SIDT1: variants seen among roughly 807,000 people sequenced by gnomAD.
SIDT1 encodes the protein SID1 transmembrane family member 1.
A neutral mutation model predicts 107.5 loss-of-function variants in SIDT1; 101 were observed. That is an observed-to-expected ratio of 0.94 (90% CI 0.80 to 1.11). SIDT1 has a LOEUF of 1.11. SIDT1 is among the 50% of genes least tolerant of loss of function. SIDT1 has a pLI of 0.00. For missense variants in SIDT1, 1,076 were observed against 1,058.2 expected, an observed-to-expected ratio of 1.02 and a Z score of -0.23; for synonymous variants, 395 against 398.2, an observed-to-expected ratio of 0.99 and a Z score of 0.10.
rs76659179 is a variant in SIDT1 at position 113,584,084 on chromosome 3, G to A, written c.835+588G>A. 2.1e-3 allele frequency among the ~76,000 whole-genome samples: 326 copies of A among 152,334 alleles called. 2 individuals carry two copies. Among genetic ancestry groups the A allele is most frequent in the African/African-American group, 7.5e-3 (312 of 41,574 alleles). On this transcript the variant is annotated intron_variant, in intron 7 of 24. Transcript: ENST00000264852. ...AGCTACCTTAAGGGCAGAATAGGCT[G>A]ATGATTGAAAACATAGACCACTAGC...
chr3:113,600,235 G>A lies in SIDT1; in HGVS notation c.1046-1353G>A, dbSNP rs574454568. On this transcript the variant is annotated intron_variant, in intron 10 of 24. Coordinates refer to ENST00000264852, the MANE Select transcript of SIDT1 (RefSeq NM_017699.3). ...CGAGGCAGGAGAATCGCTTGAACCC[G>A]GGAGGTGGAGGTTGCAGTGAGCCGA... 1.3e-3 allele frequency among the ~76,000 whole-genome samples: 198 copies of A among 152,026 alleles called. 1 individual carries two copies. The highest frequency in any genetic ancestry group is 3.7e-3 in the South Asian group (18 of 4,802).
At position 113,623,675 on chromosome 3, in the gene SIDT1, C is replaced by A. The variant is rs753737094; in HGVS notation, c.2249C>A (p.Thr750Asn). The A allele has an allele frequency of 6.2e-7, 1 of 1,614,170 alleles. No homozygotes were observed. Among genetic ancestry groups the A allele is most frequent in the South Asian group, 1.1e-5 (1 of 91,092 alleles). The change falls in exon 23 of 25, where the codon ACC becomes AAC. Residue 750 changes from threonine to asparagine, a missense_variant. By Grantham distance (65) the Thr-to-Asn change is moderately conservative. Coordinates refer to ENST00000264852, the MANE Select transcript of SIDT1 (RefSeq NM_017699.3). Reference protein sequence around the residue: ...LPVPLFCIVATAVMWAAALYF... With the variant: ...LPVPLFCIVANAVMWAAALYF... ...GTCCCGCTCTTCTGCATCGTGGCCA[C>A]CGCTGTGATGTGGGCTGCCGCCCTA...
In SIDT1 at chr3:113,601,573, C is replaced by A; in HGVS notation, c.1046-15C>A. The stretch of plus-strand genomic sequence containing the variant: ...ACTGGACATAAAGTGTTTGCCTCTT[C>A]ACTTTTTTTAACAGGCTCTGGAAAT... On this transcript the variant is annotated splice_polypyrimidine_tract_variant and intron_variant, in intron 10 of 24. Transcript: ENST00000264852. The A allele has an allele frequency of 1.2e-6, 2 of 1,607,398 alleles. No individual in the cohort carries two copies. Among genetic ancestry groups the A allele is most frequent in the Non-Finnish European group, 1.7e-6 (2 of 1,173,972 alleles).
rs554009768 is a variant in SIDT1, at chr3:113,545,114, T to TAAAAAAAAA, written c.222+11890_222+11898dup. 1.3e-3 allele frequency among the ~76,000 whole-genome samples: 96 copies of TAAAAAAAAA among 73,962 alleles called. 3 individuals carry two copies. The East Asian group carries it at 0.017, about 13-fold the overall frequency. 48.5% of individuals were successfully genotyped at this position (73,962 alleles called of 152,430 possible). On this transcript the variant is annotated intron_variant, in intron 1 of 24. Coordinates refer to ENST00000264852, the MANE Select transcript of SIDT1 (RefSeq NM_017699.3). ...CGGGCGACAGAGCGAGAGACTCTGT[T>TAAAAAAAAA]AAAAAAAAAAAAAAAAAAAAAAAAA...
chr3:113,610,895 T>C lies in SIDT1; in HGVS notation c.1721-113T>C, dbSNP rs1945686924. 13 of 1,303,742 alleles carry C rather than the reference T, an allele frequency of 1.0e-5. No individual in the cohort carries two copies. In the East Asian group the frequency reaches 2.6e-4, roughly 26 times the overall value. The allele number at this position is 1,303,742 out of a possible 1,614,324, so 80.8% of individuals were successfully genotyped here. A position where few individuals can be genotyped will look rare whatever the true frequency, so the allele number is the denominator to read the frequency against. ...CTCCACACAGCCTGCGGGTAGAAAATAGTCCATGGATTGAAGTGAGGGGTA... is the reference window on the plus strand; with the variant it reads ...CTCCACACAGCCTGCGGGTAGAAAACAGTCCATGGATTGAAGTGAGGGGTA... On this transcript the variant is annotated intron_variant, in intron 17 of 24. Coordinates refer to ENST00000264852, the MANE Select transcript of SIDT1 (RefSeq NM_017699.3).
At chr3:113,576,177 T>C (rs1942884452) in intron 3 of SIDT1, among the ~76,000 whole-genome samples, 1 of 152,222 alleles carries the variant, frequency 6.6e-6, no homozygotes, top group African/African-American at 2.4e-5. Flanking sequence ...CACTCTCCTT[T>C]CTTCAGTGCC....
At chr3:113,623,792 C>T in intron 23 of SIDT1, 59 bp downstream of exon 23, 2 of 1,087,986 alleles carry the variant, frequency 1.8e-6, no homozygotes, top group South Asian at 2.5e-5. Context: ...CCATTTTGGC[C>T]TTTCTACCTC....
chr3:113,635,283 G>A, the SIDT1 span, among the ~76,000 whole-genome samples: 2 of 152,176 alleles, frequency 1.3e-5, no homozygotes, highest in African/African-American at 4.8e-5. Context: ...ACCACCAGAG[G>A]CCAGGAGTTT....
rs56860179 is a variant in SIDT1, at chr3:113,551,824, GGTGTGTGTGTGTGTGTGTGT to G, written c.223-14585_223-14566del. 9.5e-5 allele frequency among the ~76,000 whole-genome samples: 14 copies of G among 147,320 alleles called. No homozygotes were observed. The Admixed American group carries it at 9.5e-4, about 10-fold the overall frequency. On this transcript the variant is annotated intron_variant, in intron 1 of 24. Coordinates refer to ENST00000264852, the MANE Select transcript of SIDT1 (RefSeq NM_017699.3). ...TGGATCCCGGGGGTAAAGTTTTAGG[GGTGTGTGTGTGTGTGTGTGT>G]GTGTGTGTGTAGTGTGTGTGTTTTA...
chr3:113,586,543 G>A (rs774966662), intron 9 of SIDT1, among the ~76,000 whole-genome samples: 17 of 152,142 alleles, frequency 1.1e-4, no homozygotes, highest in East Asian at 1.9e-4. Flanking sequence ...AAGAATCATC[G>A]ATGAATGCCA....
chr3:113,560,011 A>G (rs1941279064), intron 1 of SIDT1, among the ~76,000 whole-genome samples: 1 of 152,162 alleles, frequency 6.6e-6, no homozygotes, highest in Admixed American at 6.5e-5. Context: ...CTGACCAAGC[A>G]TTGCATGGGG....
downstream of SIDT1, chr3:113,629,658 A>G (rs1010525429): frequency 6.6e-6 from 1 of 152,270 alleles, no homozygotes; most frequent in South Asian, 2.1e-4. Flanking sequence ...AAATGTGAAC[A>G]ACAAAGTCCA....
intron 1 of SIDT1, among the ~76,000 whole-genome samples, chr3:113,550,515 GT>G (rs1296586739): frequency 6.6e-6 from 1 of 152,140 alleles, no homozygotes; most frequent in Non-Finnish European, 1.5e-5. Flanking sequence ...TTGTATTGAT[GT>G]CATGTGCCAT....
At chr3:113,543,309 C>T (rs1409748901) in intron 1 of SIDT1, among the ~76,000 whole-genome samples, 7 of 152,106 alleles carry the variant, frequency 4.6e-5, no homozygotes, top group East Asian at 1.9e-4. Context: ...CCTGAAGCAT[C>T]CTTACACTTA....
At chr3:113,605,746 G>A (rs946935877) in intron 14 of SIDT1, among the ~76,000 whole-genome samples, 3 of 152,068 alleles carry the variant, frequency 2.0e-5, no homozygotes, top group Non-Finnish European at 2.9e-5. Context: ...GCTCACATCT[G>A]TAATCCCAGA....
At chr3:113,554,343 T>G (rs1031613293) in intron 1 of SIDT1, among the ~76,000 whole-genome samples, 1 of 152,164 alleles carries the variant, frequency 6.6e-6, no homozygotes, top group Non-Finnish European at 1.5e-5. Context: ...TTTGATATGG[T>G]TGGGCTGTGT....
chr3:113,550,909 C>T (rs1940159136), intron 1 of SIDT1, among the ~76,000 whole-genome samples: 1 of 152,120 alleles, frequency 6.6e-6, no homozygotes, highest in Admixed American at 6.6e-5. Flanking sequence ...TCCTCTCTCT[C>T]CTCCCACCCT....
chr3:113,585,296 T>C (rs761802237), intron 9 of SIDT1, 26 bp downstream of exon 9: 7 of 1,503,724 alleles, frequency 4.7e-6, no homozygotes, highest in Middle Eastern at 1.7e-4. Flanking sequence ...CTAGAAATGT[T>C]AATTCCCTGT....
intron 17 of SIDT1, among the ~76,000 whole-genome samples, chr3:113,609,893 A>G (rs1316399182): frequency 6.6e-6 from 1 of 152,178 alleles, no homozygotes; most frequent in Non-Finnish European, 1.5e-5. Flanking sequence ...CGCACTTTCA[A>G]ACTTAATCTC....
Sources: allele counts gnomAD v4.1 joint callset (sites outside exome capture counted in the v4.1 genomes callset), GRCh38; gene constraint gnomAD v4.1.1; transcripts MANE v1.5; gene names NCBI Gene and HGNC (gene_info 2026-07-23, HGNC 2026-07-21).